PARD3B: variants seen among roughly 807,000 people sequenced by gnomAD.
PARD3B encodes the protein par-3 family cell polarity regulator beta.
A neutral mutation model predicts 130.2 loss-of-function variants in PARD3B; 103 were observed. That is an observed-to-expected ratio of 0.79 (90% confidence interval 0.67 to 0.93). The LOEUF (loss-of-function observed/expected upper bound fraction) is 0.93. PARD3B is among the 40% of genes least tolerant of loss of function. The pLI is 0.00. For synonymous variants in PARD3B, 583 were observed against 553.2 expected, an observed-to-expected ratio of 1.05 and a Z score of -0.76; for missense variants, 1,609 against 1,499.2, an observed-to-expected ratio of 1.07 and a Z score of -1.21.
At chr2:205,264,331 T>C (rs1345049401) in intron 16 of PARD3B, among the ~76,000 whole-genome samples, 3 of 151,100 alleles carry the variant, frequency 2.0e-5, no homozygotes, top group Non-Finnish European at 3.0e-5. Flanking sequence ...ACTAAAAGCC[T>C]AAGATGAAGG....
chr2:205,236,440 A>G (rs1205393500), intron 15 of PARD3B, among the ~76,000 whole-genome samples: 1 of 152,060 alleles, frequency 6.6e-6, no homozygotes, highest in Admixed American at 6.6e-5. Flanking sequence ...TTTGGCACAC[A>G]CACAGATGAA....
chr2:205,110,532 A>G (rs1703553251), intron 5 of PARD3B, among the ~76,000 whole-genome samples: 1 of 152,096 alleles, frequency 6.6e-6, no homozygotes, highest in Non-Finnish European at 1.5e-5. Flanking sequence ...AGAAAGTTGT[A>G]TAAAGATAGC....
At chr2:205,447,672 C>A (rs941044966) in intron 20 of PARD3B, among the ~76,000 whole-genome samples, 2 of 152,180 alleles carry the variant, frequency 1.3e-5, no homozygotes, top group South Asian at 4.1e-4. Flanking sequence ...CCACCGCACC[C>A]GGCTGATTTA....
At chr2:205,442,095 A>G (rs1279443740) in intron 20 of PARD3B, among the ~76,000 whole-genome samples, 2 of 152,082 alleles carry the variant, frequency 1.3e-5, no homozygotes, top group Admixed American at 6.6e-5. Context: ...AGGTCTTCAT[A>G]ACAATCCTCT....
chr2:204,721,882 T>C (rs1344048288), intron 2 of PARD3B, among the ~76,000 whole-genome samples: 1 of 152,160 alleles, frequency 6.6e-6, no homozygotes, highest in African/African-American at 2.4e-5. Context: ...ACAGTGATTT[T>C]GTGTTCTTTG....
intron 10 of PARD3B, among the ~76,000 whole-genome samples, chr2:205,148,197 G>A (rs1299060833): frequency 1.3e-5 from 2 of 151,860 alleles, no homozygotes; most frequent in Non-Finnish European, 2.9e-5. Context: ...TGTTTAGAGG[G>A]TGAAATACTT....
rs753958969 is a variant in PARD3B, at chr2:205,078,424, C to A, written c.505-26002C>A. 9.9e-5 allele frequency among the ~76,000 whole-genome samples: 15 copies of A among 152,108 alleles called. No homozygotes were observed. Among genetic ancestry groups the A allele is most frequent in the Non-Finnish European group, 1.8e-4 (12 of 68,026 alleles). On this transcript the variant is annotated intron_variant, in intron 4 of 22. Transcript: ENST00000406610. This position sits in a 1 kb window ranked among gnomAD's most constrained non-coding sequence, Gnocchi z 4.0. ...TTCTTTTCTAAAGATAGACCAAAGA[C>A]CCACTTTTTTTCCTGAGTAATTCTG...
rs2033719553 is a variant in PARD3B at position 204,606,248 on chromosome 2, T to A, written c.120+60129T>A. On this transcript the variant is annotated intron_variant, in intron 1 of 22. Coordinates refer to ENST00000406610, the MANE Select transcript of PARD3B (RefSeq NM_001302769.2). This position sits in a 1 kb window ranked among gnomAD's most constrained non-coding sequence, Gnocchi z 4.0. Reference sequence around the variant, plus strand: ...ATGTATTGGTGTTTAAAATCAGTTGTGTTGAGGGTCAGGAAGGGCTAGATT... The same window carrying A: ...ATGTATTGGTGTTTAAAATCAGTTGAGTTGAGGGTCAGGAAGGGCTAGATT... Among the ~76,000 whole-genome samples the A allele has an allele frequency of 6.6e-6, 1 of 152,102 alleles. No individual in the cohort carries two copies. Among genetic ancestry groups the A allele is most frequent in the Non-Finnish European group, 1.5e-5 (1 of 68,016 alleles).
rs1220819815 is a variant in PARD3B, at chr2:204,741,654, A to G, written c.222+55372A>G. On this transcript the variant is annotated intron_variant, in intron 2 of 22. Transcript: ENST00000406610. Reference sequence around the variant, plus strand: ...AGTCCTGGCTTCACCTTCCTTTTCTACCACCTTTATAGAAAATACACCTCT... The same window carrying G: ...AGTCCTGGCTTCACCTTCCTTTTCTGCCACCTTTATAGAAAATACACCTCT... Among the ~76,000 whole-genome samples the G allele has an allele frequency of 2.0e-5, 3 of 152,280 alleles. 1 individual carries two copies. Among genetic ancestry groups the G allele is most frequent in the African/African-American group, 4.8e-5 (2 of 41,558 alleles).
At chr2:205,355,631 T>C (rs971127147) in intron 18 of PARD3B, among the ~76,000 whole-genome samples, 2 of 152,176 alleles carry the variant, frequency 1.3e-5, no homozygotes, top group African/African-American at 2.4e-5. Flanking sequence ...GAGCCTGCTG[T>C]GGGTGAAGAT....
chr2:204,746,980 A>G (rs2040259719), intron 2 of PARD3B, among the ~76,000 whole-genome samples: 1 of 152,062 alleles, frequency 6.6e-6, no homozygotes, highest in African/African-American at 2.4e-5. Context: ...TCTTTAGTTT[A>G]ATTAGATCCC....
chr2:205,053,042 A>T (rs957316463), intron 4 of PARD3B, among the ~76,000 whole-genome samples: 3 of 152,124 alleles, frequency 2.0e-5, no homozygotes, highest in African/African-American at 7.2e-5. Context: ...GGATAGTGGC[A>T]GGTGGCTGCT....
intron 18 of PARD3B, among the ~76,000 whole-genome samples, chr2:205,380,823 TATATAAAGAATACATTATA>T (rs1354383875): frequency 2.2e-4 from 20 of 92,054 alleles, no homozygotes; most frequent in South Asian, 3.6e-4. Context: ...TATTATATAT[TATATAAAGAATACATTATA>T]ATATAAAGAA....
intron 13 of PARD3B, among the ~76,000 whole-genome samples, chr2:205,182,438 G>C (rs745718192): frequency 3.3e-5 from 5 of 151,518 alleles, no homozygotes; most frequent in Non-Finnish European, 7.4e-5. Context: ...ACGATAAATG[G>C]TTCACATGAG....
intron 18 of PARD3B, among the ~76,000 whole-genome samples, chr2:205,322,640 C>T (rs566644828): frequency 3.3e-5 from 5 of 152,168 alleles, no homozygotes; most frequent in South Asian, 2.1e-4. Context: ...TAGTTTGATT[C>T]TGGGTGAAAC....
Position 205,555,259 on chromosome 2 carries a change from C to A in PARD3B, c.3260+1856C>A, listed in dbSNP as rs575701818. Among the ~76,000 whole-genome samples the A allele has an allele frequency of 1.4e-4, 22 of 152,230 alleles. No homozygotes were observed. In the South Asian group the frequency reaches 4.6e-3, roughly 32 times the overall value. On this transcript the variant is annotated intron_variant, in intron 22 of 22. Transcript: ENST00000406610. ...AGCATTTAAAATTCTATAAATTTCACTCATTCATTCATTCATTCACCTTGT... is the reference window on the plus strand; with the variant it reads ...AGCATTTAAAATTCTATAAATTTCAATCATTCATTCATTCATTCACCTTGT...
At chr2:205,098,963 T>C (rs1243252130) in intron 4 of PARD3B, among the ~76,000 whole-genome samples, 2 of 152,158 alleles carry the variant, frequency 1.3e-5, no homozygotes, top group Admixed American at 6.5e-5. Context: ...TTAAAAAAAA[T>C]TGTAGTAATT....
intron 18 of PARD3B, among the ~76,000 whole-genome samples, chr2:205,355,867 G>A (rs1431847908): frequency 6.6e-6 from 1 of 152,086 alleles, no homozygotes; most frequent in Admixed American, 6.5e-5. Flanking sequence ...AAGGGAAGGG[G>A]GAAGAGCCCC....
intron 3 of PARD3B, among the ~76,000 whole-genome samples, chr2:205,013,659 A>C (rs1473647678): frequency 6.6e-6 from 1 of 152,218 alleles, no homozygotes; most frequent in Non-Finnish European, 1.5e-5. Context: ...ACATAGGAAC[A>C]GAAACAAAAG....
Sources: gnomAD v4.1 joint callset for allele counts (sites outside exome capture counted in the v4.1 genomes callset) on GRCh38, gnomAD v4.1.1 for gene constraint, Gnocchi (gnomAD v3.1) non-coding constraint, MANE v1.5 for transcripts, NCBI Gene and HGNC (gene_info 2026-07-23, HGNC 2026-07-21) for gene names.